Variants in ASB4 observed in about 807,000 individuals in gnomAD.
ASB4 encodes the protein ankyrin repeat and SOCS box containing 4, also known as ankyrin repeat and SOCS box protein 4.
ASB4 carries 35 observed loss-of-function variants against 38.6 expected under a neutral mutation model. That is an observed-to-expected ratio of 0.91 (90% CI 0.69 to 1.20). ASB4 has a LOEUF of 1.20. ASB4 is among the 50% of genes most tolerant of loss of function. ASB4 has a pLI of 0.00. For synonymous variants in ASB4, 195 were observed against 201.3 expected, an observed-to-expected ratio of 0.97 and a Z score of 0.26; for missense variants, 557 against 527.2, an observed-to-expected ratio of 1.06 and a Z score of -0.55.
chr7:95,547,162 A>G, the ASB4 span, among the ~76,000 whole-genome samples: 5 of 152,338 alleles, frequency 3.3e-5, no homozygotes, highest in South Asian at 1.0e-3. Flanking sequence ...CCAATAGTGA[A>G]ATACACAACT....
intron 1 of ASB4, among the ~76,000 whole-genome samples, chr7:95,487,915 AT>A (rs1790115604): frequency 6.6e-6 from 1 of 152,206 alleles, no homozygotes; most frequent in Admixed American, 6.5e-5. Flanking sequence ...TATGCAGGAA[AT>A]TTGTGTCTGC....
chr7:95,536,549 A>C lies in ASB4; in HGVS notation c.1091A>C (p.Glu364Ala). ...WRRAIPDDDL[E>A]KYWDFYHSLF... ...AGAGCTATCCCCGATGATGACTTGG[A>C]GGTAAATAATCGATTCCCTTCTAAT... The change falls in exon 4 of 5, where the codon GAG becomes GCG. Residue 364 changes from glutamate (E) to alanine (A), a missense_variant and splice_region_variant. Coordinates refer to ENST00000325885, the MANE Select transcript of ASB4 (RefSeq NM_016116.3). 6.3e-7 allele frequency: 1 copy of C among 1,594,166 alleles called. No homozygotes were observed. Among genetic ancestry groups the C allele is most frequent in the South Asian group, 1.1e-5 (1 of 90,618 alleles).
At chr7:95,474,078 A>C (rs1452374736), upstream of ASB4, 1 of 152,222 alleles carries the variant, frequency 6.6e-6, no homozygotes, top group African/African-American at 2.4e-5. Context: ...ATTTGCTAAA[A>C]GTTGGGGCGC....
intron 2 of ASB4, among the ~76,000 whole-genome samples, chr7:95,523,580 A>G (rs1159661701): frequency 1.3e-5 from 2 of 152,218 alleles, no homozygotes; most frequent in Non-Finnish European, 2.9e-5. Flanking sequence ...AGTCTTATGC[A>G]TCACAGAGAG....
chr7:95,534,229 A>G (rs1470854415), intron 3 of ASB4, among the ~76,000 whole-genome samples: 1 of 152,088 alleles, frequency 6.6e-6, no homozygotes, highest in Non-Finnish European at 1.5e-5. Context: ...TTGTAATCCC[A>G]GCTACTTGGG....
chr7:95,500,099 G>A (rs1562812523), intron 2 of ASB4, among the ~76,000 whole-genome samples: 1 of 152,036 alleles, frequency 6.6e-6, no homozygotes, highest in African/African-American at 2.4e-5. Flanking sequence ...CGATGAGGGA[G>A]TTCGGATGGT....
chr7:95,536,405 C>A (rs1400752205), intron 3 of ASB4, 32 bp from the exon 4 acceptor site: 2 of 1,384,090 alleles, frequency 1.4e-6, no homozygotes, highest in South Asian at 1.2e-5. Flanking sequence ...ATATGTGCAT[C>A]AAACAGATGA....
At chr7:95,472,304 T>G in the ASB4 span, among the ~76,000 whole-genome samples, 1 of 152,198 alleles carries the variant, frequency 6.6e-6, no homozygotes, top group African/African-American at 2.4e-5. Flanking sequence ...GACCCTGTGT[T>G]CAGAATGACC....
chr7:95,550,630 G>A, the ASB4 span, among the ~76,000 whole-genome samples: 3 of 152,156 alleles, frequency 2.0e-5, no homozygotes, highest in Non-Finnish European at 4.4e-5. Context: ...ATGCAAATAT[G>A]TTCCCTCTGC....
chr7:95,530,233 G>T (rs918849005), intron 3 of ASB4, among the ~76,000 whole-genome samples: 1 of 152,062 alleles, frequency 6.6e-6, no homozygotes, highest in Non-Finnish European at 1.5e-5. Flanking sequence ...GGCTGAGGCG[G>T]GCGGATTGCT....
chr7:95,509,252 T>C (rs1379822908), intron 2 of ASB4, among the ~76,000 whole-genome samples: 1 of 152,184 alleles, frequency 6.6e-6, no homozygotes, highest in African/African-American at 2.4e-5. Context: ...TCTTTTTATT[T>C]ATCTTTCCAC....
chr7:95,535,527 A>G (rs1790879006), intron 3 of ASB4, among the ~76,000 whole-genome samples: 1 of 152,212 alleles, frequency 6.6e-6, no homozygotes, highest in Admixed American at 6.5e-5. Context: ...TTGGGTGGCA[A>G]TGGAAAGAAA....
At chr7:95,493,782 T>A (rs1454630713) in intron 1 of ASB4, among the ~76,000 whole-genome samples, 2 of 152,214 alleles carry the variant, frequency 1.3e-5, no homozygotes, top group African/African-American at 4.8e-5. Context: ...ATAGTTTGTA[T>A]ACTGTTTGGC....
At chr7:95,481,278 T>A (rs1790019392), upstream of ASB4, among the ~76,000 whole-genome samples, 1 of 152,192 alleles carries the variant, frequency 6.6e-6, no homozygotes, top group Admixed American at 6.5e-5. Flanking sequence ...ACTGGTTCAG[T>A]TCCAGTTGCT....
At chr7:95,498,739 T>G (rs1337128378) in intron 2 of ASB4, among the ~76,000 whole-genome samples, 1 of 152,154 alleles carries the variant, frequency 6.6e-6, no homozygotes, top group Non-Finnish European at 1.5e-5. Context: ...AGCAAAAAAT[T>G]TGTTTCATAT....
chr7:95,480,160 C>A (rs1457519758), intron 1 of ASB4, among the ~76,000 whole-genome samples: 2 of 152,148 alleles, frequency 1.3e-5, no homozygotes, highest in African/African-American at 4.8e-5. Context: ...ACAAGGGTGG[C>A]TTATGGTGTG....
intron 2 of ASB4, among the ~76,000 whole-genome samples, chr7:95,506,522 G>A (rs1309143301): frequency 1.3e-5 from 2 of 152,090 alleles, no homozygotes; most frequent in Non-Finnish European, 2.9e-5. Context: ...TTCTACCCCC[G>A]ACTTAGAGTA....
upstream of ASB4, among the ~76,000 whole-genome samples, chr7:95,485,273 T>C (rs146639524): frequency 1.3e-5 from 2 of 152,302 alleles, no homozygotes; most frequent in Non-Finnish European, 1.5e-5. Context: ...CTTTTCTAGC[T>C]GATTAAAAAA....
intron 3 of ASB4, among the ~76,000 whole-genome samples, chr7:95,535,913 A>G (rs149825565): frequency 1.0e-3 from 159 of 152,290 alleles, no homozygotes; most frequent in Non-Finnish European, 1.8e-3. Flanking sequence ...AAGTTGATTG[A>G]CTAACATTGA....
Sources: gnomAD v4.1 joint callset for allele counts (sites outside exome capture counted in the v4.1 genomes callset) on GRCh38, gnomAD v4.1.1 for gene constraint, MANE v1.5 for transcripts, NCBI Gene and HGNC (gene_info 2026-07-23, HGNC 2026-07-21) for gene names.